MLIP: variants seen among roughly 807,000 people sequenced by gnomAD.
MLIP encodes the protein muscular LMNA interacting protein, also known as muscular LMNA-interacting protein.
A neutral mutation model predicts 84.8 loss-of-function variants in MLIP; 79 were observed. That is an observed-to-expected ratio of 0.93 (90% confidence interval 0.78 to 1.12). MLIP has a LOEUF of 1.12. Ranked by LOEUF, MLIP falls within the 50% of genes most tolerant of loss-of-function variation. MLIP has a pLI of 0.00. For synonymous variants in MLIP, 504 were observed against 463.0 expected (o/e 1.09, Z -1.14); for missense variants, 1,257 against 1,160.6 (o/e 1.08, Z -1.21).
At chr6:54,140,005 C>T (rs537214962) in intron 4 of MLIP, among the ~76,000 whole-genome samples, 6 of 152,164 alleles carry the variant, frequency 3.9e-5, no homozygotes, top group African/African-American at 1.4e-4. Flanking sequence ...CTGTGATTCT[C>T]AATTGACAAT....
In MLIP at chr6:54,124,870, G is replaced by C; in HGVS notation, c.645+5G>C. The C allele has an allele frequency of 6.4e-7, 1 of 1,564,328 alleles. No individual in the cohort carries two copies. Among genetic ancestry groups the C allele is most frequent in the Non-Finnish European group, 8.6e-7 (1 of 1,157,170 alleles). ...CCTCAGCAAAAGCATGGGCAGGTAG[G>C]TTTTGTGTTCCTGCTGTCCATAAGG... On this transcript the variant is annotated splice_donor_5th_base_variant and intron_variant, in intron 3 of 13. Transcript: ENST00000502396.
Position 54,263,134 on chromosome 6 carries a change from G to C in MLIP, c.2977-2816G>C, listed in dbSNP as rs184941442. On this transcript the variant is annotated intron_variant, in intron 13 of 13. Coordinates refer to ENST00000502396, the MANE Select transcript of MLIP (RefSeq NM_001281747.2). ...AAAGGACCCACAACTCCTCTGTGTG[G>C]TGGCTTGGGAAGACTATTTCTAGTT... 2.6e-5 allele frequency among the ~76,000 whole-genome samples: 4 copies of C among 152,134 alleles called. No individual in the cohort carries two copies. In the East Asian group the frequency reaches 7.8e-4, roughly 30 times the overall value.
At chr6:54,155,636 T>C (rs1331216420) in intron 5 of MLIP, among the ~76,000 whole-genome samples, 2 of 152,126 alleles carry the variant, frequency 1.3e-5, no homozygotes, top group Non-Finnish European at 2.9e-5. Context: ...TAAAAAGTGT[T>C]TGCAGTTTCA....
intron 1 of MLIP, among the ~76,000 whole-genome samples, chr6:54,027,639 T>C (rs1240698144): frequency 1.3e-5 from 2 of 152,142 alleles, no homozygotes; most frequent in African/African-American, 4.8e-5. Flanking sequence ...TTTTCTTTCT[T>C]ACATTAAGGA....
At chr6:54,134,331 C>T (rs1561964969) in intron 3 of MLIP, among the ~76,000 whole-genome samples, 2 of 152,116 alleles carry the variant, frequency 1.3e-5, no homozygotes, top group Non-Finnish European at 2.9e-5. Context: ...AAGAATCCTT[C>T]ACCCCTGAGA....
At chr6:54,160,323 T>C in intron 5 of MLIP, 44 bp from the exon 6 acceptor site, 1 of 1,492,002 alleles carries the variant, frequency 6.7e-7, no homozygotes, top group Non-Finnish European at 9.3e-7. Context: ...ACTCCAGTTG[T>C]ATGACTAGAA....
At chr6:54,057,146 A>C (rs1369359072) in intron 1 of MLIP, among the ~76,000 whole-genome samples, 1 of 152,224 alleles carries the variant, frequency 6.6e-6, no homozygotes, top group Non-Finnish European at 1.5e-5. Context: ...GCACTGAGAA[A>C]TTAAATGACT....
At chr6:54,224,494 C>G (rs1276337220) in intron 11 of MLIP, among the ~76,000 whole-genome samples, 4 of 151,946 alleles carry the variant, frequency 2.6e-5, no homozygotes, top group Admixed American at 6.6e-5. Flanking sequence ...TTCGAACAAT[C>G]TTTTAAGGAA....
Position 54,058,867 on chromosome 6 carries a change from G to C in MLIP, c.63+39776G>C, listed in dbSNP as rs9474725. The C allele has an allele frequency of 1.4e-3, 211 of 152,266 alleles. 1 individual carries two copies. The highest frequency in any genetic ancestry group is 4.9e-3 in the African/African-American group (202 of 41,554). 9.4% of individuals were successfully genotyped at this position (152,266 alleles called of 1,614,324 possible). ...AACCAAATATCTAGAGGAAGATAGA[G>C]AGAGATAGAAGGAGGAAAAGAAGGT... On this transcript the variant is annotated intron_variant, in intron 1 of 12. Transcript: ENST00000274897.
intron 12 of MLIP, among the ~76,000 whole-genome samples, chr6:54,248,293 T>C (rs1411947883): frequency 6.6e-6 from 1 of 152,188 alleles, no homozygotes; most frequent in East Asian, 1.9e-4. Flanking sequence ...TTGCCTGTAG[T>C]ACTAAGTAAT....
intron 11 of MLIP, among the ~76,000 whole-genome samples, chr6:54,204,301 C>A (rs893481561): frequency 6.6e-6 from 1 of 152,090 alleles, no homozygotes; most frequent in Non-Finnish European, 1.5e-5. Context: ...AATGGAAACT[C>A]CTGTGGGGAA....
intron 1 of MLIP, among the ~76,000 whole-genome samples, chr6:54,059,635 A>C (rs1765851267): frequency 1.3e-5 from 2 of 152,224 alleles, no homozygotes; most frequent in Non-Finnish European, 2.9e-5. Flanking sequence ...ACAATTAATG[A>C]GTGAACAACC....
intron 11 of MLIP, among the ~76,000 whole-genome samples, chr6:54,210,127 C>CCACCT (rs752688450): frequency 0.09 from 12,697 of 141,680 alleles, no homozygotes; most frequent in South Asian, 0.15. Context: ...CCACACCTGC[C>CCACCT]CACCTCACCT....
rs769036588 is a variant in MLIP, at chr6:54,137,399, C to T, written c.1330C>T (p.Pro444Ser). 3.3e-6 allele frequency: 5 copies of T among 1,536,132 alleles called. No homozygotes were observed. Among genetic ancestry groups the T allele is most frequent in the Non-Finnish European group, 4.4e-6 (5 of 1,146,886 alleles). ...ASCPTFSLNS[P>S]ASSTLTLDQK... The stretch of plus-strand genomic sequence containing the variant: ...CTGTCCCACCTTCTCTCTCAACTCC[C>T]CGGCCTCTTCCACGCTCACACTTGA... Residue 444 changes from proline (P) to serine (S), a missense_variant, in exon 4 of 14, where the codon CCG becomes TCG. Physicochemically the swap from Pro to Ser is moderately conservative, Grantham distance 74. Transcript: ENST00000502396.
At chr6:54,035,738 T>C (rs1328562174) in intron 1 of MLIP, among the ~76,000 whole-genome samples, 1 of 152,118 alleles carries the variant, frequency 6.6e-6, no homozygotes, top group Non-Finnish European at 1.5e-5. Flanking sequence ...TCTTTTCATG[T>C]ACTTATTTGC....
intron 1 of MLIP, among the ~76,000 whole-genome samples, chr6:54,067,604 A>G (rs80005191): frequency 0.051 from 5,177 of 101,384 alleles, 900 homozygotes; most frequent in African/African-American, 0.12. Context: ...AGTTAAGGCT[A>G]AATTTTACTG....
chr6:54,255,729 A>G (rs1782962236), intron 12 of MLIP, among the ~76,000 whole-genome samples: 1 of 152,162 alleles, frequency 6.6e-6, no homozygotes, highest in South Asian at 2.1e-4. Flanking sequence ...GCATCACATA[A>G]TGACTCGATT....
intron 1 of MLIP, among the ~76,000 whole-genome samples, chr6:54,024,464 G>A (rs1299772909): frequency 2.6e-5 from 4 of 152,192 alleles, no homozygotes; most frequent in African/African-American, 4.8e-5. Context: ...TTGTTGGTGA[G>A]TGTCTTCAGA....
At chr6:54,128,381 T>C (rs2150457215) in intron 3 of MLIP, among the ~76,000 whole-genome samples, 1 of 152,202 alleles carries the variant, frequency 6.6e-6, no homozygotes, top group South Asian at 2.1e-4. Context: ...AACAGAAAAG[T>C]ATAAAAGCAC....
Sources: allele counts gnomAD v4.1 joint callset (sites outside exome capture counted in the v4.1 genomes callset), GRCh38; gene constraint gnomAD v4.1.1; transcripts MANE v1.5; gene names NCBI Gene and HGNC (gene_info 2026-07-23, HGNC 2026-07-21).